CIITA: variants seen among roughly 807,000 people sequenced by gnomAD.
CIITA encodes class II major histocompatibility complex transactivator.
Under a neutral mutation model 115.1 loss-of-function variants are expected in CIITA, and 72 were observed. That is an observed-to-expected ratio of 0.63 (90% CI 0.52 to 0.76). CIITA has a LOEUF of 0.76. Ranked by LOEUF, CIITA falls within the 30% of genes least tolerant of loss-of-function variation. The probability of loss-of-function intolerance (pLI) is 0.00; values close to 1 mark genes in which losing one functional copy is unlikely to be tolerated. For synonymous variants in CIITA, 763 were observed against 635.6 expected (o/e 1.20, Z -3.02); for missense variants, 1,617 against 1,463.8 (o/e 1.10, Z -1.71).
chr16:10,881,809 A>G (rs1245918099), intron 1 of CIITA, among the ~76,000 whole-genome samples: 3 of 152,140 alleles, frequency 2.0e-5, no homozygotes, highest in African/African-American at 7.2e-5. Flanking sequence ...CTGAAACTCT[A>G]CCCAATAAGC....
chr16:10,873,732 G>C (rs754808896), upstream of CIITA, among the ~76,000 whole-genome samples: 4 of 152,220 alleles, frequency 2.6e-5, no homozygotes, highest in Admixed American at 6.5e-5. Context: ...CTTGCCAGGG[G>C]ACCCCAGCAT....
At chr16:10,888,498 C>T (rs2037185767) in intron 1 of CIITA, 1 of 152,254 alleles carries the variant, frequency 6.6e-6, no homozygotes, top group African/African-American at 2.4e-5. Flanking sequence ...GTGGCGACAC[C>T]TGATTTCCCT....
downstream of CIITA, chr16:10,939,485 A>C (rs983055400): frequency 6.6e-6 from 1 of 152,280 alleles, no homozygotes; most frequent in Non-Finnish European, 1.5e-5. The surrounding 1 kb of genome is among the most constrained non-coding windows in gnomAD (Gnocchi z 4.9). Flanking sequence ...CTCCAGCCAC[A>C]TGGGCCTCCT....
At chr16:10,872,281 C>G (rs565799368), upstream of CIITA, among the ~76,000 whole-genome samples, 12 of 152,002 alleles carry the variant, frequency 7.9e-5, no homozygotes, top group African/African-American at 2.9e-4. Flanking sequence ...TGCCACCATG[C>G]CGAGCTAATT....
rs2040469130 is a variant in CIITA, at chr16:10,924,903, T to C, written c.*1048T>C. The C allele has an allele frequency of 6.6e-6, 1 of 152,250 alleles. No homozygotes were observed. Among genetic ancestry groups the C allele is most frequent in the Non-Finnish European group, 1.5e-5 (1 of 68,034 alleles). The allele number at this position is 152,250 out of a possible 1,614,324, so 9.4% of individuals were successfully genotyped here. A position where few individuals can be genotyped will look rare whatever the true frequency, so the allele number is the denominator to read the frequency against. Reference sequence around the variant, plus strand: ...TTTGAGTTCATACCCTGTTACCATTTTGGGGTACCCACTGCTCTGGTTATC... The same window carrying C: ...TTTGAGTTCATACCCTGTTACCATTCTGGGGTACCCACTGCTCTGGTTATC... On this transcript the variant is annotated 3_prime_UTR_variant, in exon 20 of 20. Coordinates refer to ENST00000324288, the MANE Select transcript of CIITA (RefSeq NM_000246.4).
intron 13 of CIITA, among the ~76,000 whole-genome samples, chr16:10,911,712 G>A (rs1447044058): frequency 2.0e-5 from 3 of 150,978 alleles, no homozygotes; most frequent in Non-Finnish European, 3.0e-5. Context: ...TGCCCCACCT[G>A]ACTAATTTTT....
At chr16:10,918,711 CT>C (rs1473953943) in intron 16 of CIITA, among the ~76,000 whole-genome samples, 185 bp downstream of exon 16, 1 of 152,220 alleles carries the variant, frequency 6.6e-6, no homozygotes, top group East Asian at 1.9e-4. Flanking sequence ...TTCCTAGCCG[CT>C]GTTTTCTTAC....
chr16:10,898,748 G>A lies in CIITA; in HGVS notation c.358+16G>A. On this transcript the variant is annotated intron_variant, in intron 4 of 19. Coordinates refer to ENST00000324288, the MANE Select transcript of CIITA (RefSeq NM_000246.4). ...GACATTTTCAGTAAGTTTGTGGTGG[G>A]TGGGGAGGTCTTGGCTCAGCCTGCA... The A allele has an allele frequency of 1.9e-6, 3 of 1,611,440 alleles. No individual in the cohort carries two copies. The highest frequency in any genetic ancestry group is 2.5e-6 in the Non-Finnish European group (3 of 1,178,806).
At chr16:10,884,679 C>A (rs1482444262) in intron 1 of CIITA, among the ~76,000 whole-genome samples, 1 of 152,178 alleles carries the variant, frequency 6.6e-6, no homozygotes, top group Non-Finnish European at 1.5e-5. Flanking sequence ...CCTCAGCCTC[C>A]CAAAGTGCTG....
At position 10,907,346 on chromosome 16, in the gene CIITA, C is replaced by G; in HGVS notation, c.1854C>G (p.Cys618Trp). 1 of 1,613,560 alleles carries G rather than the reference C, an allele frequency of 6.2e-7. No homozygotes were observed. The highest frequency in any genetic ancestry group is 8.5e-7 in the Non-Finnish European group (1 of 1,180,008). Residue 618 changes from cysteine to tryptophan, a missense_variant, in exon 11 of 20, where the codon TGC becomes TGG. Transcript: ENST00000324288. This position sits in a 1 kb window ranked among gnomAD's most constrained non-coding sequence, Gnocchi z 5.0. The stretch of plus-strand genomic sequence containing the variant: ...GCCCTACTTTGTGCCGGGCAGTGTG[C>G]CAGCTCTCAGAGGCCCTGCTGGAGC... ...SHSPTLCRAV[C>W]QLSEALLELG...
rs989717634 is a variant in CIITA at position 10,933,262 on chromosome 16, T to C, written c.*9407T>C. 1.5e-4 allele frequency: 23 copies of C among 152,282 alleles called. No homozygotes were observed. Among genetic ancestry groups the C allele is most frequent in the African/African-American group, 5.1e-4 (21 of 41,438 alleles). The allele number at this position is 152,282 out of a possible 1,614,324, so 9.4% of individuals were successfully genotyped here. A position where few individuals can be genotyped will look rare whatever the true frequency, so the allele number is the denominator to read the frequency against. On this transcript the variant is annotated 3_prime_UTR_variant, in exon 20 of 20. Coordinates refer to ENST00000324288, the MANE Select transcript of CIITA (RefSeq NM_000246.4). ...ACAGTTGGGTGCTAGATCCCCTTCG[T>C]GAAGCAATGTCTTAGCTCAGTAACT...
In CIITA at chr16:10,877,338, GC is replaced by G. The variant is rs1362377540; in HGVS notation, c.10del (p.Leu4TrpfsTer27). ...GGCTGGGATTCCTACACAATGCGTT[GC>G]CTGGCTCCACGCCCTGCTGGGTCCT... MR[C>X]LAPRPAGSYL... On this transcript the variant is annotated frameshift_variant, in exon 1 of 20. Coordinates refer to ENST00000324288, the MANE Select transcript of CIITA (RefSeq NM_000246.4). LOFTEE classifies it high-confidence loss of function. The G allele has an allele frequency of 6.2e-7, 1 of 1,613,140 alleles. No individual in the cohort carries two copies. The highest frequency in any genetic ancestry group is 8.5e-7 in the Non-Finnish European group (1 of 1,179,516).
At chr16:10,899,343 A>G (rs747528815) in intron 5 of CIITA, among the ~76,000 whole-genome samples, 1 of 152,032 alleles carries the variant, frequency 6.6e-6, no homozygotes, top group Non-Finnish European at 1.5e-5. Flanking sequence ...TATAGTCTCT[A>G]TCTGGAATGC....
chr16:10,900,584 A>G (rs1038083238), intron 5 of CIITA, among the ~76,000 whole-genome samples: 6 of 152,092 alleles, frequency 3.9e-5, no homozygotes, highest in African/African-American at 1.4e-4. Flanking sequence ...TACTAAAAAT[A>G]CAAAAATTAG....
intron 1 of CIITA, among the ~76,000 whole-genome samples, chr16:10,885,174 G>A (rs1053028397): frequency 6.6e-6 from 1 of 152,184 alleles, no homozygotes; most frequent in Non-Finnish European, 1.5e-5. Context: ...AAAACAAATA[G>A]GCCTATCGAC....
intron 5 of CIITA, among the ~76,000 whole-genome samples, chr16:10,900,687 C>T (rs1199758632): frequency 6.6e-6 from 1 of 151,838 alleles, no homozygotes; most frequent in Non-Finnish European, 1.5e-5. Context: ...TTGCAGTGAG[C>T]CAAGATTGCG....
intron 1 of CIITA, among the ~76,000 whole-genome samples, chr16:10,868,135 T>TTGACATTGATTATTTAGTG (rs2035223935): frequency 6.6e-6 from 1 of 152,152 alleles, no homozygotes; most frequent in African/African-American, 2.4e-5. Flanking sequence ...ATAACAGTGA[T>TTGACATTGATTATTTAGTG]TGACATTGAT....
chr16:10,898,854 T>G lies in CIITA; in HGVS notation c.359-71T>G, dbSNP rs994240689. 10 of 1,600,632 alleles carry G rather than the reference T, an allele frequency of 6.2e-6. No individual in the cohort carries two copies. In the African/African-American group the frequency reaches 9.4e-5, roughly 15 times the overall value. On this transcript the variant is annotated intron_variant, in intron 4 of 19. Coordinates refer to ENST00000324288, the MANE Select transcript of CIITA (RefSeq NM_000246.4). ...GGCAGTCAGACCCCTCTCCCCAAGGTGGGTACAATAGAGACTCACCTTGGG... is the reference window on the plus strand; with the variant it reads ...GGCAGTCAGACCCCTCTCCCCAAGGGGGGTACAATAGAGACTCACCTTGGG...
chr16:10,888,311 T>G (rs2143961816), intron 1 of CIITA: 1 of 152,308 alleles, frequency 6.6e-6, no homozygotes. Context: ...AAAAATGAAC[T>G]TACCCAGATT....
Sources: gnomAD v4.1 joint callset for allele counts (sites outside exome capture counted in the v4.1 genomes callset) on GRCh38, gnomAD v4.1.1 for gene constraint, Gnocchi (gnomAD v3.1) non-coding constraint, MANE v1.5 for transcripts, NCBI Gene and HGNC (gene_info 2026-07-23, HGNC 2026-07-21) for gene names.